RGPD2: variants seen among roughly 807,000 people sequenced by gnomAD.
RGPD2 encodes RANBP2-like and GRIP domain-containing protein 2.
A neutral mutation model predicts 36.0 loss-of-function variants in RGPD2; 2 were observed. The observed-to-expected ratio is 0.06, with a 90% CI of 0.02 to 0.17. The LOEUF (loss-of-function observed/expected upper bound fraction) is 0.17. Among genes scored for constraint, RGPD2 ranks in the 10% least tolerant of loss-of-function variants. RGPD2 has a pLI of 1.00. For missense variants in RGPD2, 40 were observed against 464.3 expected (o/e 0.09, Z 8.40); for synonymous variants, 19 against 163.8 (o/e 0.12, Z 6.75).
chr2:87,966,130 G>A, the RGPD2 span, among the ~76,000 whole-genome samples: 3 of 151,532 alleles, frequency 2.0e-5, no homozygotes. Flanking sequence ...GAAATCTTTG[G>A]TCATCAATCT....
At position 87,825,755 on chromosome 2, in the gene RGPD2, C is replaced by CG. The variant is rs1233306140; in HGVS notation, c.-27dup. The CG allele has an allele frequency of 6.3e-7, 1 of 1,582,166 alleles. No homozygotes were observed. Among genetic ancestry groups the CG allele is most frequent in the Non-Finnish European group, 8.6e-7 (1 of 1,164,388 alleles). On this transcript the variant is annotated 5_prime_UTR_variant, in exon 1 of 23. Coordinates refer to ENST00000398146, the MANE Select transcript of RGPD2 (RefSeq NM_001078170.3). ...CGCACCGCCAACCTGGCTCCCGAGACGCGTGAAACCAGCGCTCAGCCCCGC... is the reference window on the plus strand; with the variant it reads ...CGCACCGCCAACCTGGCTCCCGAGACGGCGTGAAACCAGCGCTCAGCCCCGC...
chr2:87,952,646 A>G, the RGPD2 span, among the ~76,000 whole-genome samples: 1 of 151,740 alleles, frequency 6.6e-6, no homozygotes, highest in Admixed American at 6.6e-5. Flanking sequence ...ATTAATGCCA[A>G]CTCTGATGAA....
chr2:87,985,580 T>C, the RGPD2 span: 1 of 759,252 alleles, frequency 1.3e-6, no homozygotes, highest in Non-Finnish European at 2.2e-6. Context: ...AGATTTGATT[T>C]ACAACATATA....
intron 6 of RGPD2, among the ~76,000 whole-genome samples, chr2:87,808,880 A>G (rs1163337300): frequency 4.4e-5 from 2 of 45,848 alleles, no homozygotes; most frequent in South Asian, 1.5e-3. Flanking sequence ...AATAACCCAC[A>G]TACGGCCAGG....
the RGPD2 span, among the ~76,000 whole-genome samples, chr2:87,939,792 A>G: frequency 9.9e-5 from 15 of 152,130 alleles, no homozygotes; most frequent in Non-Finnish European, 1.9e-4. Flanking sequence ...ATAGATTAAG[A>G]ACAAACTATT....
chr2:87,781,498 T>C (rs1685407547), intron 20 of RGPD2, among the ~76,000 whole-genome samples: 1 of 143,570 alleles, frequency 7.0e-6, no homozygotes, highest in South Asian at 2.2e-4. Context: ...AAAGTCTCAC[T>C]CAGTCAGGCT....
chr2:87,957,544 G>T, the RGPD2 span, among the ~76,000 whole-genome samples: 1 of 150,606 alleles, frequency 6.6e-6, no homozygotes, highest in East Asian at 1.9e-4. Context: ...TATAATGGAT[G>T]TGGACAAAAG....
chr2:87,831,420 G>A, the RGPD2 span, among the ~76,000 whole-genome samples: 5 of 152,206 alleles, frequency 3.3e-5, no homozygotes, highest in South Asian at 1.0e-3. Context: ...ACCAAAAATT[G>A]ATAGACTTCA....
intron 8 of RGPD2, among the ~76,000 whole-genome samples, chr2:87,798,804 C>G (rs1685792149): frequency 9.0e-6 from 1 of 110,770 alleles, no homozygotes; most frequent in Admixed American, 9.9e-5. Flanking sequence ...GGAGGCGGAG[C>G]TTGCAGTGAG....
the RGPD2 span, among the ~76,000 whole-genome samples, chr2:87,857,543 C>T: frequency 6.0e-5 from 9 of 151,142 alleles, no homozygotes; most frequent in African/African-American, 1.5e-4. Context: ...GGGGTTTCAC[C>T]GTGTTAGCCA....
the RGPD2 span, among the ~76,000 whole-genome samples, chr2:87,986,187 G>T: frequency 6.7e-6 from 1 of 148,232 alleles, no homozygotes; most frequent in Non-Finnish European, 1.5e-5. Flanking sequence ...CCAGGCTGGA[G>T]TGCTGTGGTG....
At chr2:87,986,001 C>T in the RGPD2 span, 1 of 950,166 alleles carries the variant, frequency 1.1e-6, no homozygotes. Flanking sequence ...TTAACTTCTA[C>T]TATGTAAAGG....
the RGPD2 span, among the ~76,000 whole-genome samples, chr2:87,879,497 C>T: frequency 3.1e-5 from 4 of 129,806 alleles, no homozygotes; most frequent in Admixed American, 2.3e-4. Flanking sequence ...TGGTAAATGT[C>T]CTCCTACTCT....
chr2:87,988,542 T>TATATATATATATATA, the RGPD2 span, among the ~76,000 whole-genome samples: 1,193 of 37,038 alleles, frequency 0.032, 67 homozygotes, highest in South Asian at 0.071. Context: ...TATATATATA[T>TATATATATATATATA]TTTTTTTTTT....
chr2:87,972,709 G>A, the RGPD2 span: 1 of 1,604,396 alleles, frequency 6.2e-7, no homozygotes, highest in Non-Finnish European at 8.5e-7. Flanking sequence ...GGGCACTTCG[G>A]GCGCCGCAAC....
At chr2:87,989,086 T>C in the RGPD2 span, 1 of 400,764 alleles carries the variant, frequency 2.5e-6, no homozygotes, top group Non-Finnish European at 4.4e-6. Flanking sequence ...TCATGTCTTA[T>C]AAATGAAACT....
At chr2:87,829,830 C>G (rs1686929871), upstream of RGPD2, among the ~76,000 whole-genome samples, 1 of 134,494 alleles carries the variant, frequency 7.4e-6, no homozygotes, top group African/African-American at 2.8e-5. Context: ...CCCCTCACCC[C>G]TTCCTTTCAA....
chr2:87,805,753 G>A (rs71249885), intron 7 of RGPD2, among the ~76,000 whole-genome samples: 10,663 of 148,812 alleles, frequency 0.072, no homozygotes, highest in Non-Finnish European at 0.083. Context: ...CCAGCTACTC[G>A]GGAGGCTGAG....
the RGPD2 span, chr2:87,973,228 G>A: frequency 9.4e-5 from 152 of 1,609,808 alleles, no homozygotes; most frequent in Non-Finnish European, 1.2e-4. Flanking sequence ...CCCTCATCAG[G>A]AGGGTGAGCC....
Sources: allele counts gnomAD v4.1 joint callset (sites outside exome capture counted in the v4.1 genomes callset), GRCh38; gene constraint gnomAD v4.1.1; transcripts MANE v1.5; gene names NCBI Gene and HGNC (gene_info 2026-07-23, HGNC 2026-07-21).